The following PTPRB variants were observed in gnomAD, a reference collection of about 807,000 sequenced individuals.
The protein encoded by PTPRB is protein tyrosine phosphatase receptor type B.
In PTPRB, 97 loss-of-function variants were observed where a neutral mutation model predicts 238.1. The ratio of observed to expected loss-of-function variants is 0.41; its 90% CI spans 0.35 to 0.48. The LOEUF is 0.48. Among genes scored for constraint, PTPRB ranks in the 20% least tolerant of loss-of-function variants. The probability of loss-of-function intolerance (pLI) is 0.30; values close to 1 mark genes in which losing one functional copy is unlikely to be tolerated. For missense variants in PTPRB, 2,292 were observed against 2,681.9 expected (o/e 0.85, Z 3.21); for synonymous variants, 970 against 995.4 (o/e 0.97, Z 0.48).
chr12:70,551,735 G>T (rs1424163768), intron 21 of PTPRB, among the ~76,000 whole-genome samples: 2 of 152,134 alleles, frequency 1.3e-5, no homozygotes, highest in African/African-American at 4.8e-5. Flanking sequence ...AATAATGTTG[G>T]ATGTCAGTAG....
At chr12:70,530,320 A>G (rs914615282) in intron 32 of PTPRB, among the ~76,000 whole-genome samples, 6 of 152,170 alleles carry the variant, frequency 3.9e-5, no homozygotes, top group African/African-American at 1.4e-4. Context: ...AGTATCTCAA[A>G]TATACATATA....
rs75551762 is a variant in PTPRB, at chr12:70,571,812, C to T, written c.3106+12G>A. 1.8e-5 allele frequency: 29 copies of T among 1,600,320 alleles called. No homozygotes were observed. Among genetic ancestry groups the T allele is most frequent in the Admixed American group, 3.5e-5 (2 of 57,690 alleles). On this transcript the variant is annotated intron_variant, in intron 12 of 33. Coordinates refer to ENST00000334414, the MANE Select transcript of PTPRB (RefSeq NM_001109754.4). ...CCAACCAACTGTCAGATTTTGCAAT[C>T]GTTCCACTTACTTGTTCTCCCATTC...
intron 14 of PTPRB, among the ~76,000 whole-genome samples, chr12:70,567,872 G>T (rs904408587): frequency 2.8e-4 from 42 of 152,090 alleles, no homozygotes; most frequent in African/African-American, 8.7e-4. Flanking sequence ...TATACTTTTA[G>T]TAGAGATGGG....
chr12:70,599,288 T>C (rs892348065), intron 4 of PTPRB, among the ~76,000 whole-genome samples: 2 of 152,164 alleles, frequency 1.3e-5, no homozygotes, highest in African/African-American at 4.8e-5. Flanking sequence ...AATTTAGTCA[T>C]GTACCTATAG....
In PTPRB at chr12:70,586,999, G is replaced by T. The variant is rs1317124553; in HGVS notation, c.2311+8C>A. On this transcript the variant is annotated splice_region_variant and intron_variant, in intron 9 of 33. Coordinates refer to ENST00000334414, the MANE Select transcript of PTPRB (RefSeq NM_001109754.4). ...ACTTTAAAATGTAAAATTTATAAAG[G>T]TTACTACCTGTTCTTCCTTTTACTG... 1.2e-6 allele frequency: 2 copies of T among 1,609,388 alleles called. No homozygotes were observed. The highest frequency in any genetic ancestry group is 1.7e-6 in the Non-Finnish European group (2 of 1,176,594).
intron 9 of PTPRB, among the ~76,000 whole-genome samples, chr12:70,586,114 G>T (rs1055829291): frequency 6.6e-6 from 1 of 152,154 alleles, no homozygotes; most frequent in African/African-American, 2.4e-5. Context: ...ACATACGTGT[G>T]CATGTGTCTT....
chr12:70,535,962 G>A, intron 29 of PTPRB, 63 bp downstream of exon 29: 2 of 1,595,140 alleles, frequency 1.3e-6, no homozygotes, highest in South Asian at 2.2e-5. Context: ...TTTGATGATG[G>A]GGCAGAATTC....
intron 8 of PTPRB, among the ~76,000 whole-genome samples, chr12:70,588,461 C>T (rs975034695): frequency 3.3e-5 from 5 of 151,988 alleles, no homozygotes; most frequent in African/African-American, 1.2e-4. Flanking sequence ...TGGTGAAACC[C>T]CATCTCTACT....
chr12:70,539,567 G>A, intron 26 of PTPRB, 58 bp downstream of exon 26: 2 of 1,333,858 alleles, frequency 1.5e-6, no homozygotes, highest in Admixed American at 2.0e-5. Context: ...GTAAACATTA[G>A]GAAGGAAATT....
intron 33 of PTPRB, among the ~76,000 whole-genome samples, chr12:70,522,945 C>A (rs1871838523): frequency 2.0e-5 from 3 of 147,356 alleles, no homozygotes; most frequent in South Asian, 2.1e-4. Context: ...TCACTGCAAC[C>A]TTCGCCTCTC....
At chr12:70,544,825 A>G (rs1056099004) in intron 21 of PTPRB, among the ~76,000 whole-genome samples, 162 bp from the exon 22 acceptor site, 1 of 152,160 alleles carries the variant, frequency 6.6e-6, no homozygotes, top group Admixed American at 6.5e-5. Context: ...TCATTCATCA[A>G]TTTATTCATA....
intron 1 of PTPRB, among the ~76,000 whole-genome samples, chr12:70,637,014 T>A (rs2136623595): frequency 6.6e-6 from 1 of 151,992 alleles, no homozygotes; most frequent in African/African-American, 2.4e-5. Context: ...TATAACCGGG[T>A]CGGAAAAAGG....
rs919857957 is a variant in PTPRB, at chr12:70,519,952, T to G, written c.*1537A>C. 1.6e-5 allele frequency: 3 copies of G among 191,680 alleles called. No homozygotes were observed. Among genetic ancestry groups the G allele is most frequent in the African/African-American group, 7.1e-5 (3 of 42,032 alleles). 11.9% of individuals were successfully genotyped at this position (191,680 alleles called of 1,614,324 possible). On this transcript the variant is annotated 3_prime_UTR_variant, in exon 34 of 34. Transcript: ENST00000334414. ...GAACTATTTTAGGTATAGTCAATGA[T>G]TTTCAATTATTATGTCAATTACATT...
intron 29 of PTPRB, 94 bp downstream of exon 29, chr12:70,535,931 C>G: frequency 6.7e-7 from 1 of 1,484,362 alleles, no homozygotes; most frequent in Non-Finnish European, 9.3e-7. Flanking sequence ...ATGATCCCTA[C>G]GTTGTTTTGC....
At chr12:70,611,352 G>A (rs541975612) in intron 3 of PTPRB, among the ~76,000 whole-genome samples, 4 of 152,232 alleles carry the variant, frequency 2.6e-5, no homozygotes, top group Non-Finnish European at 1.5e-5. Context: ...ACAGTGGTGC[G>A]ATTTCAGCTC....
Position 70,622,536 on chromosome 12 carries a change from T to G in PTPRB, c.562A>C (p.Thr188Pro). The G allele has an allele frequency of 6.2e-7, 1 of 1,611,154 alleles. No homozygotes were observed. Among genetic ancestry groups the G allele is most frequent in the Non-Finnish European group, 8.5e-7 (1 of 1,178,448 alleles). The stretch of plus-strand genomic sequence containing the variant: ...GCATTTCTGATGAAGGCCTCTGTGG[T>G]ATTCCTAATAAGGAATACCAGGCCA... ...PDGLVFLIRN[T>P]TEAFIRNAAE... The change falls in exon 3 of 34, where the codon ACC becomes CCC. Residue 188 changes from threonine to proline, a missense_variant. Around this residue, in one of 4 missense-constraint regions of PTPRB, gnomAD observed 1,205 missense variants for 1,287.8 expected, o/e 0.94. Transcript: ENST00000334414.
rs1011120186 is a variant in PTPRB at position 70,570,922 on chromosome 12, T to C, written c.3370+104A>G. The C allele has an allele frequency of 2.5e-5, 31 of 1,251,986 alleles. 1 individual carries two copies. The highest frequency in any genetic ancestry group is 4.6e-4 in the Middle Eastern group (2 of 4,346). 77.6% of individuals were successfully genotyped at this position (1,251,986 alleles called of 1,614,324 possible). On this transcript the variant is annotated intron_variant, in intron 13 of 33. Transcript: ENST00000334414. ...AACATGACTTTGTCCCTTCTTGCTG[T>C]CTCCCTTTTATCCCTCCAAATGCTC...
chr12:70,533,456 A>C (rs1873604934), intron 31 of PTPRB, among the ~76,000 whole-genome samples: 1 of 152,040 alleles, frequency 6.6e-6, no homozygotes, highest in Admixed American at 6.5e-5. Context: ...TGCAAACATT[A>C]ATTTGCTAGA....
Position 70,520,143 on chromosome 12 carries a change from C to T in PTPRB, c.*1346G>A, listed in dbSNP as rs971581826. 2.3e-6 allele frequency: 1 copy of T among 435,204 alleles called. No homozygotes were observed. Among genetic ancestry groups the T allele is most frequent in the Non-Finnish European group, 4.6e-6 (1 of 219,280 alleles). 27.0% of individuals were successfully genotyped at this position (435,204 alleles called of 1,614,324 possible). A position where few individuals can be genotyped will look rare whatever the true frequency, so the allele number is the denominator to read the frequency against. The stretch of plus-strand genomic sequence containing the variant: ...GTGAAAAAGGCAAACATCTCCAGCT[C>T]ATCTTCTCAGGTATCTATGAAGATT... On this transcript the variant is annotated 3_prime_UTR_variant, in exon 34 of 34. Coordinates refer to ENST00000334414, the MANE Select transcript of PTPRB (RefSeq NM_001109754.4).
Sources: allele counts gnomAD v4.1 joint callset (sites outside exome capture counted in the v4.1 genomes callset), GRCh38; gene constraint gnomAD v4.1.1; regional missense constraint gnomAD v4.1.1; transcripts MANE v1.5; gene names NCBI Gene and HGNC (gene_info 2026-07-23, HGNC 2026-07-21).